Variants in SLC35E2B observed in about 807,000 individuals in gnomAD.
SLC35E2B encodes the protein solute carrier family 35 member E2B.
A neutral mutation model predicts 32.4 loss-of-function variants in SLC35E2B; 18 were observed. The observed-to-expected ratio is 0.56, with a 90% CI of 0.38 to 0.82. SLC35E2B has a LOEUF of 0.82. Ranked by LOEUF, SLC35E2B falls within the 40% of genes least tolerant of loss-of-function variation. SLC35E2B has a pLI of 0.00. For missense variants in SLC35E2B, 263 were observed against 469.5 expected, an observed-to-expected ratio of 0.56 and a Z score of 4.06; for synonymous variants, 132 against 209.1, an observed-to-expected ratio of 0.63 and a Z score of 3.18.
rs540538084 is a variant in SLC35E2B at position 1,686,265 on chromosome 1, G to A, written c.-148+4711C>T. Among the ~76,000 whole-genome samples, 85 of 150,302 alleles carry A rather than the reference G, an allele frequency of 5.7e-4. 1 individual carries two copies. The highest frequency in any genetic ancestry group is 2.0e-3 in the African/African-American group (81 of 40,876). On this transcript the variant is annotated intron_variant, in intron 2 of 9. Coordinates refer to ENST00000617444, the MANE Select transcript of SLC35E2B (RefSeq NM_001290264.2). ...GATCTGCCTGCCTCGGCCTCCCAAA[G>A]TGCTGGGATTTACAGGCATCAGCCA...
At chr1:1,684,422 G>GT (rs1421192462) in intron 2 of SLC35E2B, among the ~76,000 whole-genome samples, 2 of 152,172 alleles carry the variant, frequency 1.3e-5, no homozygotes, top group East Asian at 1.9e-4. Context: ...TCAGACCATG[G>GT]TAAGTGGGGA....
intron 5 of SLC35E2B, chr1:1,673,956 C>T (rs958492504): frequency 2.0e-5 from 3 of 146,956 alleles, no homozygotes; most frequent in African/African-American, 5.0e-5. Flanking sequence ...GAGCAAGACT[C>T]CTCTCAAAAA....
intron 2 of SLC35E2B, among the ~76,000 whole-genome samples, chr1:1,687,113 C>T (rs1292755403): frequency 6.6e-6 from 1 of 152,168 alleles, no homozygotes; most frequent in Non-Finnish European, 1.5e-5. Context: ...ATGACCCCCG[C>T]GGTGTCGGCC....
chr1:1,666,972 GCA>G (rs1643563978), intron 9 of SLC35E2B, among the ~76,000 whole-genome samples: 1 of 140,284 alleles, frequency 7.1e-6, no homozygotes, highest in Non-Finnish European at 1.5e-5. Flanking sequence ...GGGCATGGTG[GCA>G]CACGCCTGTA....
At position 1,662,979 on chromosome 1, in the gene SLC35E2B, G is replaced by C. The variant is rs1428490337; in HGVS notation, c.*2803C>G. On this transcript the variant is annotated 3_prime_UTR_variant, in exon 10 of 10. Coordinates refer to ENST00000617444, the MANE Select transcript of SLC35E2B (RefSeq NM_001290264.2). ...TTAACACGGCCAAGCCAGGCCTTGG[G>C]TTTTGCCTCTTGGTGCCCGGCTGTG... The C allele has an allele frequency of 5.4e-5, 51 of 939,068 alleles. 5 individuals carry two copies. Among genetic ancestry groups the C allele is most frequent in the Non-Finnish European group, 6.2e-5 (49 of 787,580 alleles). 58.2% of individuals were successfully genotyped at this position (939,068 alleles called of 1,614,324 possible). A position where few individuals can be genotyped will look rare whatever the true frequency, so the allele number is the denominator to read the frequency against.
At position 1,673,558 on chromosome 1, in the gene SLC35E2B, C is replaced by G. The variant is rs117693904; in HGVS notation, c.586+1905G>C. ...GGCCACATGCCTGTAATCCCAGCTA[C>G]TCAGAGGAGGCCGAAGCAGGAGAAT... On this transcript the variant is annotated intron_variant, in intron 5 of 9. Transcript: ENST00000617444. 311 of 200,404 alleles carry G rather than the reference C, an allele frequency of 1.6e-3. 5 individuals carry two copies. In the East Asian group the frequency reaches 0.038, roughly 25 times the overall value. The allele number at this position is 200,404 out of a possible 1,614,324, so 12.4% of individuals were successfully genotyped here.
chr1:1,675,150 A>T (rs1643810109), intron 5 of SLC35E2B, among the ~76,000 whole-genome samples: 1 of 149,048 alleles, frequency 6.7e-6, no homozygotes, highest in South Asian at 2.1e-4. Context: ...TCTTCGGATC[A>T]GTGATTGGCA....
At chr1:1,674,115 G>A (rs1643778869) in intron 5 of SLC35E2B, 1 of 175,518 alleles carries the variant, frequency 5.7e-6, no homozygotes, top group Non-Finnish European at 1.3e-5. Flanking sequence ...TTGCTTAGAG[G>A]AAAATTCTGC....
chr1:1,683,187 C>T (rs539906297), intron 2 of SLC35E2B, among the ~76,000 whole-genome samples: 11 of 152,324 alleles, frequency 7.2e-5, no homozygotes, highest in Non-Finnish European at 1.2e-4. Context: ...GTTATTTCCA[C>T]GTTGAGCAAT....
In SLC35E2B at chr1:1,690,460, G is replaced by A. The variant is rs540808873; in HGVS notation, c.-148+516C>T. 3.7e-4 allele frequency among the ~76,000 whole-genome samples: 55 copies of A among 148,336 alleles called. 4 individuals are homozygous for A. Among genetic ancestry groups the A allele is most frequent in the Admixed American group, 1.8e-3 (26 of 14,706 alleles). On this transcript the variant is annotated intron_variant, in intron 2 of 9. Transcript: ENST00000617444. ...CAGGCAAAAAAAAAAAAATGTTGGCGGGGCATGGTGGCTCATGCTTGTAAT... is the reference window on the plus strand; with the variant it reads ...CAGGCAAAAAAAAAAAAATGTTGGCAGGGCATGGTGGCTCATGCTTGTAAT...
At chr1:1,679,483 A>C (rs981148819) in intron 2 of SLC35E2B, among the ~76,000 whole-genome samples, 3 of 152,104 alleles carry the variant, frequency 2.0e-5, no homozygotes, top group Non-Finnish European at 4.4e-5. Flanking sequence ...TGGAAACAAA[A>C]AAACAGAAAT....
At chr1:1,683,142 G>A (rs2101113846) in intron 2 of SLC35E2B, among the ~76,000 whole-genome samples, 1 of 152,206 alleles carries the variant, frequency 6.6e-6, no homozygotes, top group African/African-American at 2.4e-5. Context: ...CAGTTTCTCT[G>A]CACTCCCACA....
At chr1:1,690,687 T>C (rs1436067877) in intron 2 of SLC35E2B, among the ~76,000 whole-genome samples, 1 of 101,514 alleles carries the variant, frequency 9.9e-6, no homozygotes, top group African/African-American at 4.1e-5. Flanking sequence ...TGCAGTGAGC[T>C]GAGACTGCGC....
At chr1:1,680,845 C>T (rs1298516387) in intron 2 of SLC35E2B, among the ~76,000 whole-genome samples, 3 of 151,462 alleles carry the variant, frequency 2.0e-5, no homozygotes, top group African/African-American at 7.3e-5. Flanking sequence ...ATCTGTCGCC[C>T]AGGCTGGAGT....
In SLC35E2B at chr1:1,690,310, AT is replaced by A. The variant is rs759765698; in HGVS notation, c.-148+665del. ...AAAAAAAAAAGAAACAAAAAAAAAT[AT>A]ATATATATATATACATACCATAAAG... On this transcript the variant is annotated intron_variant, in intron 2 of 9. Coordinates refer to ENST00000617444, the MANE Select transcript of SLC35E2B (RefSeq NM_001290264.2). Among the ~76,000 whole-genome samples the A allele has an allele frequency of 9.9e-4, 32 of 32,392 alleles. 1 individual carries two copies. Among genetic ancestry groups the A allele is most frequent in the Non-Finnish European group, 1.9e-3 (24 of 12,494 alleles). 21.3% of individuals were successfully genotyped at this position (32,392 alleles called of 152,430 possible).
intron 9 of SLC35E2B, among the ~76,000 whole-genome samples, chr1:1,667,005 T>G (rs1302806204): frequency 9.8e-5 from 4 of 40,718 alleles, no homozygotes; most frequent in East Asian, 3.6e-4. Flanking sequence ...CTTGGGAGGC[T>G]GAGGCAGGAG....
rs771792354 is a variant in SLC35E2B, at chr1:1,668,346, T to C, written c.961A>G (p.Ile321Val). 19 of 1,608,540 alleles carry C rather than the reference T, an allele frequency of 1.2e-5. No homozygotes were observed. The South Asian group carries it at 2.0e-4, about 17-fold the overall frequency. The part of the protein sequence containing the change: ...SVTAYALMGK[I>V]SPVTFSVAST... ...GCTCACCTGAAAGTCACCGGGGAGA[T>C]TTTCCCCATGAGGGCGTACGCCGTG... The change falls in exon 9 of 10, where the codon ATC becomes GTC. Residue 321 changes from isoleucine to valine, a missense_variant. Transcript: ENST00000617444.
At position 1,662,696 on chromosome 1, in the gene SLC35E2B, C is replaced by T. The variant is rs536789626; in HGVS notation, c.*3086G>A. ...ATTTTCTTTTTTAACCTTTTTATGC[C>T]TTTCAGTAGGGGAAGTTTCCTTGAA... is the stretch of plus-strand genomic sequence containing the variant. On this transcript the variant is annotated 3_prime_UTR_variant, in exon 10 of 10. Coordinates refer to ENST00000617444, the MANE Select transcript of SLC35E2B (RefSeq NM_001290264.2). 4.2e-5 allele frequency: 31 copies of T among 732,688 alleles called. 1 individual carries two copies. The East Asian group carries it at 3.4e-3, about 81-fold the overall frequency. 45.4% of individuals were successfully genotyped at this position (732,688 alleles called of 1,614,324 possible).
intron 2 of SLC35E2B, among the ~76,000 whole-genome samples, chr1:1,680,275 T>C (rs972339785): frequency 6.6e-6 from 1 of 151,942 alleles, no homozygotes; most frequent in East Asian, 1.9e-4. Context: ...AACTCCAGCC[T>C]GGGCAACAGA....
Sources: gnomAD v4.1 joint callset for allele counts (sites outside exome capture counted in the v4.1 genomes callset) on GRCh38, gnomAD v4.1.1 for gene constraint, MANE v1.5 for transcripts, NCBI Gene and HGNC (gene_info 2026-07-23, HGNC 2026-07-21) for gene names.